The following ACTR3C variants were observed in gnomAD, a reference collection of about 807,000 sequenced individuals.
ACTR3C encodes the protein actin-related protein 3C.
Under a neutral mutation model 26.3 loss-of-function variants are expected in ACTR3C, and 18 were observed. The observed-to-expected ratio is 0.68, with a 90% CI of 0.47 to 1.01. The LOEUF is 1.01. Ranked by LOEUF, ACTR3C falls within the 50% of genes least tolerant of loss-of-function variation. The pLI, the probability that ACTR3C is intolerant of heterozygous loss-of-function variation, is 0.00. For synonymous variants in ACTR3C, 55 were observed against 94.5 expected (o/e 0.58, Z 2.42); for missense variants, 184 against 250.7 (o/e 0.73, Z 1.80).
At chr7:149,945,317 G>GCC in the ACTR3C span, among the ~76,000 whole-genome samples, 2 of 136,154 alleles carry the variant, frequency 1.5e-5, no homozygotes, top group South Asian at 2.5e-4. Context: ...CTCCATCAGT[G>GCC]ACAACCTCCC....
the ACTR3C span, among the ~76,000 whole-genome samples, chr7:150,048,771 A>C: frequency 6.6e-6 from 1 of 152,062 alleles, no homozygotes; most frequent in Non-Finnish European, 1.5e-5. Flanking sequence ...AGCCACCAGG[A>C]GGGCGCGGGG....
the ACTR3C span, among the ~76,000 whole-genome samples, chr7:149,986,209 G>T: frequency 6.6e-6 from 1 of 151,922 alleles, no homozygotes; most frequent in East Asian, 1.9e-4. Flanking sequence ...CATCAGTTGG[G>T]GCTGGCTGTT....
chr7:150,178,960 A>G, the ACTR3C span, among the ~76,000 whole-genome samples: 3 of 150,222 alleles, frequency 2.0e-5, no homozygotes, highest in Non-Finnish European at 2.9e-5. Flanking sequence ...GCAGCAGCAG[A>G]CTACAGTTTA....
At chr7:150,142,621 C>T in the ACTR3C span, among the ~76,000 whole-genome samples, 643 of 151,996 alleles carry the variant, frequency 4.2e-3, 3 homozygotes, top group African/African-American at 0.015. Flanking sequence ...CTCCGCCTCC[C>T]GGGTTCAAGC....
At chr7:150,250,933 T>C (rs1356783307) in intron 6 of ACTR3C, among the ~76,000 whole-genome samples, 8 of 152,096 alleles carry the variant, frequency 5.3e-5, no homozygotes, top group South Asian at 2.1e-4. Flanking sequence ...AAGGATGGGA[T>C]TGGATGCGGT....
chr7:150,216,465 T>C, the ACTR3C span, among the ~76,000 whole-genome samples: 4 of 152,160 alleles, frequency 2.6e-5, no homozygotes, highest in East Asian at 7.7e-4. Context: ...TCTTACTGTG[T>C]TGCCGAGACT....
chr7:150,050,306 T>A, the ACTR3C span, among the ~76,000 whole-genome samples: 1 of 152,240 alleles, frequency 6.6e-6, no homozygotes, highest in Non-Finnish European at 1.5e-5. Context: ...ACAATACTTA[T>A]GCAGAATAGT....
the ACTR3C span, among the ~76,000 whole-genome samples, chr7:150,204,628 CA>C: frequency 6.6e-6 from 1 of 152,244 alleles, no homozygotes; most frequent in East Asian, 1.9e-4. Context: ...TCCTTTCTCT[CA>C]TCTCTCCTCC....
intron 6 of ACTR3C, among the ~76,000 whole-genome samples, chr7:150,276,023 C>T (rs1318069002): frequency 1.3e-5 from 2 of 152,016 alleles, no homozygotes; most frequent in Non-Finnish European, 2.9e-5. Flanking sequence ...TTTTATGATG[C>T]CAAATAAAAA....
chr7:149,990,234 C>T, the ACTR3C span, among the ~76,000 whole-genome samples: 1 of 151,710 alleles, frequency 6.6e-6, no homozygotes, highest in Non-Finnish European at 1.5e-5. Context: ...TCCCAGACCT[C>T]CTTCACCCAC....
chr7:150,267,022 C>G (rs1584876114), intron 6 of ACTR3C, among the ~76,000 whole-genome samples: 1 of 152,236 alleles, frequency 6.6e-6, no homozygotes, highest in African/African-American at 2.4e-5. Context: ...TCAGCAGACA[C>G]TGAGTACATT....
chr7:150,128,016 G>A, the ACTR3C span, among the ~76,000 whole-genome samples: 1 of 149,302 alleles, frequency 6.7e-6, no homozygotes, highest in African/African-American at 2.5e-5. Flanking sequence ...ACAATACTGA[G>A]GCTCAGAGAT....
chr7:150,114,619 C>T, the ACTR3C span, among the ~76,000 whole-genome samples: 27 of 152,052 alleles, frequency 1.8e-4, no homozygotes, highest in Non-Finnish European at 2.5e-4. Flanking sequence ...GTGACAAACG[C>T]GTATCTATTT....
chr7:150,227,942 G>A, the ACTR3C span, among the ~76,000 whole-genome samples: 2 of 151,888 alleles, frequency 1.3e-5, no homozygotes, highest in South Asian at 2.1e-4. Flanking sequence ...GCTCAACTTT[G>A]TTCTTCTTCG....
the ACTR3C span, among the ~76,000 whole-genome samples, chr7:149,918,078 G>T: frequency 6.6e-6 from 1 of 151,970 alleles, no homozygotes; most frequent in Non-Finnish European, 1.5e-5. Context: ...ATAGAACGAA[G>T]AATTCAATAT....
Position 150,309,104 on chromosome 7 carries a change from C to T in ACTR3C, c.-51-13757G>A, listed in dbSNP as rs1796061310. Among the ~76,000 whole-genome samples the T allele has an allele frequency of 2.6e-5, 4 of 152,256 alleles. No individual in the cohort carries two copies. In the South Asian group the frequency reaches 8.3e-4, roughly 32 times the overall value. ...CCTCCAAGAAGGCATCAGGGCAGTT[C>T]CCCGAGATGATCCCCAAAGGGAATA... On this transcript the variant is annotated intron_variant, in intron 1 of 7. Coordinates refer to ENST00000683684, the MANE Select transcript of ACTR3C (RefSeq NM_001164458.2).
At chr7:149,946,339 C>T in the ACTR3C span, among the ~76,000 whole-genome samples, 1 of 152,360 alleles carries the variant, frequency 6.6e-6, no homozygotes, top group South Asian at 2.1e-4. Context: ...TGAGCTCAGA[C>T]TGACCCTCCA....
At chr7:150,232,438 T>C in the ACTR3C span, among the ~76,000 whole-genome samples, 1 of 151,942 alleles carries the variant, frequency 6.6e-6, no homozygotes, top group East Asian at 1.9e-4. Flanking sequence ...CTTTATTTTT[T>C]ACTTTTCCTA....
At chr7:149,968,405 C>T in the ACTR3C span, among the ~76,000 whole-genome samples, 5 of 152,110 alleles carry the variant, frequency 3.3e-5, no homozygotes, top group Admixed American at 3.3e-4. Context: ...CGGTGGCGGG[C>T]GCCTGTAGTC....
Sources: allele counts gnomAD v4.1 joint callset (sites outside exome capture counted in the v4.1 genomes callset), GRCh38; gene constraint gnomAD v4.1.1; transcripts MANE v1.5; gene names NCBI Gene and HGNC (gene_info 2026-07-23, HGNC 2026-07-21).